Variants in PDCL2 observed in about 807,000 individuals in gnomAD.
The protein encoded by PDCL2 is phosducin like 2.
PDCL2 carries 23 observed loss-of-function variants against 30.3 expected under a neutral mutation model. That is an observed-to-expected ratio of 0.76 (90% confidence interval 0.55 to 1.08). The LOEUF (loss-of-function observed/expected upper bound fraction) is 1.08, where lower values mean the gene tolerates loss of function less well. Ranked by LOEUF, PDCL2 falls within the 50% of genes least tolerant of loss-of-function variation. PDCL2 has a pLI of 0.00. For missense variants in PDCL2, 243 were observed against 282.3 expected (o/e 0.86, Z 1.00); for synonymous variants, 68 against 86.2 (o/e 0.79, Z 1.17).
rs1206735129 is a variant in PDCL2, at chr4:55,571,584, G to A, written c.219-1723C>T. On this transcript the variant is annotated intron_variant, in intron 3 of 5. Transcript: ENST00000295645. Reference sequence around the variant, plus strand: ...CGCCTGTGGTCCCAGCTACTCGGGAGGCTGAGGCAGGAGAATCACTTGAAC... The same window carrying A: ...CGCCTGTGGTCCCAGCTACTCGGGAAGCTGAGGCAGGAGAATCACTTGAAC... 6.3e-5 allele frequency among the ~76,000 whole-genome samples: 4 copies of A among 63,860 alleles called. 1 individual carries two copies. Among genetic ancestry groups the A allele is most frequent in the Non-Finnish European group, 1.2e-4 (4 of 33,922 alleles). 41.9% of individuals were successfully genotyped at this position (63,860 alleles called of 152,430 possible). A position where few individuals can be genotyped will look rare whatever the true frequency, so the allele number is the denominator to read the frequency against.
chr4:55,586,590 G>A (rs957184317), intron 1 of PDCL2, among the ~76,000 whole-genome samples: 1 of 152,066 alleles, frequency 6.6e-6, no homozygotes, highest in African/African-American at 2.4e-5. Flanking sequence ...ATGGACATTT[G>A]GGTAGTTTTC....
intron 4 of PDCL2, among the ~76,000 whole-genome samples, chr4:55,567,041 T>C (rs1560500176): frequency 6.6e-6 from 1 of 152,240 alleles, no homozygotes; most frequent in Non-Finnish European, 1.5e-5. Context: ...CACTTCAGTA[T>C]ATAATATTTA....
intron 1 of PDCL2, among the ~76,000 whole-genome samples, chr4:55,589,835 C>T (rs1448651526): frequency 6.6e-6 from 1 of 151,958 alleles, no homozygotes; most frequent in African/African-American, 2.4e-5. Flanking sequence ...TTCGCTGAAA[C>T]AAAAGAAGAA....
At chr4:55,580,075 G>A (rs191310969) in intron 3 of PDCL2, among the ~76,000 whole-genome samples, 30 of 151,426 alleles carry the variant, frequency 2.0e-4, no homozygotes, top group African/African-American at 6.5e-4. Context: ...TCAAACTCCC[G>A]ACCTCAGGTG....
chr4:55,582,004 G>A, intron 2 of PDCL2, 113 bp downstream of exon 2: 1 of 1,424,564 alleles, frequency 7.0e-7, no homozygotes, highest in Non-Finnish European at 9.5e-7. Context: ...ACCATGCCCA[G>A]CCTATACTAA....
At chr4:55,581,921 A>C (rs933638200) in intron 2 of PDCL2, among the ~76,000 whole-genome samples, 196 bp downstream of exon 2, 1 of 152,052 alleles carries the variant, frequency 6.6e-6, no homozygotes, top group Admixed American at 6.6e-5. Flanking sequence ...GTTAGCCAGG[A>C]TGGTCTCGAT....
At chr4:55,582,048 AT>A in intron 2 of PDCL2, 68 bp downstream of exon 2, 2 of 1,574,376 alleles carry the variant, frequency 1.3e-6, no homozygotes, top group Non-Finnish European at 1.7e-6. Context: ...CACTATGTTC[AT>A]GAAATACCTT....
At chr4:55,560,528 T>C (rs1409016985) in intron 5 of PDCL2, among the ~76,000 whole-genome samples, 2 of 152,090 alleles carry the variant, frequency 1.3e-5, no homozygotes, top group Admixed American at 6.6e-5. Context: ...AGTGGGAGGA[T>C]TACTTGAGCC....
At chr4:55,575,232 G>C (rs978866100) in intron 3 of PDCL2, among the ~76,000 whole-genome samples, 1 of 152,094 alleles carries the variant, frequency 6.6e-6, no homozygotes, top group Non-Finnish European at 1.5e-5. Context: ...GAAGTGGTAT[G>C]AGTAAAACAT....
intron 1 of PDCL2, among the ~76,000 whole-genome samples, chr4:55,590,918 CA>C (rs1184484359): frequency 5.3e-5 from 8 of 152,182 alleles, no homozygotes; most frequent in African/African-American, 1.9e-4. Context: ...GCTCTTAGAA[CA>C]GGTCCGTATC....
chr4:55,579,937 C>T lies in PDCL2; in HGVS notation c.218+884G>A, dbSNP rs548628558. ...TCTTGGCTCACCACAACCTCTGCCC[C>T]ACCGGGTTCAAGCGATTCTCCTGCC... On this transcript the variant is annotated intron_variant, in intron 3 of 5. Coordinates refer to ENST00000295645, the MANE Select transcript of PDCL2 (RefSeq NM_152401.3). Among the ~76,000 whole-genome samples, 4 of 152,086 alleles carry T rather than the reference C, an allele frequency of 2.6e-5. No homozygotes were observed. In the East Asian group the frequency reaches 7.8e-4, roughly 29 times the overall value.
intron 1 of PDCL2, among the ~76,000 whole-genome samples, chr4:55,587,535 T>G (rs929658532): frequency 6.6e-6 from 1 of 152,058 alleles, no homozygotes; most frequent in African/African-American, 2.4e-5. Context: ...TTCTGTGGGT[T>G]GTCTTTTTTC....
intron 5 of PDCL2, among the ~76,000 whole-genome samples, chr4:55,560,713 G>C (rs1732109838): frequency 6.6e-6 from 1 of 152,120 alleles, no homozygotes; most frequent in African/African-American, 2.4e-5. Flanking sequence ...AAATTCATAT[G>C]TTGAAATCCT....
chr4:55,558,125 CAA>C (rs34621105), intron 5 of PDCL2, among the ~76,000 whole-genome samples: 81 of 122,022 alleles, frequency 6.6e-4, no homozygotes, highest in Admixed American at 1.2e-3. Context: ...GACTCCGTCT[CAA>C]AAAAAAAAAA....
At position 55,562,313 on chromosome 4, in the gene PDCL2, C is replaced by A. The variant is rs1273860841; in HGVS notation, c.571+91G>T. 6 of 821,376 alleles carry A rather than the reference C, an allele frequency of 7.3e-6. No individual in the cohort carries two copies. The East Asian group carries it at 1.8e-4, about 25-fold the overall frequency. The allele number at this position is 821,376 out of a possible 1,614,324, so 50.9% of individuals were successfully genotyped here. On this transcript the variant is annotated intron_variant, in intron 5 of 5. Transcript: ENST00000295645. ...AAAGAGACTAGAAGCAAGGAAAAAA[C>A]CTTGGTACTAAGGAAGTAAGCTTTC...
Position 55,568,210 on chromosome 4 carries a change from G to T in PDCL2, c.362+1508C>A, listed in dbSNP as rs1432974032. Among the ~76,000 whole-genome samples, 3 of 152,304 alleles carry T rather than the reference G, an allele frequency of 2.0e-5. No homozygotes were observed. In the East Asian group the frequency reaches 5.8e-4, roughly 29 times the overall value. On this transcript the variant is annotated intron_variant, in intron 4 of 5. Transcript: ENST00000295645. Reference sequence around the variant, plus strand: ...GTTGCTGTCATGGCCTCTGTTCCTAGAATGGTTTATAGCCCTGAGGCAGAG... The same window carrying T: ...GTTGCTGTCATGGCCTCTGTTCCTATAATGGTTTATAGCCCTGAGGCAGAG...
chr4:55,579,663 G>C (rs1284533457), intron 3 of PDCL2, among the ~76,000 whole-genome samples: 1 of 152,134 alleles, frequency 6.6e-6, no homozygotes, highest in Non-Finnish European at 1.5e-5. Flanking sequence ...CTGGAGTATG[G>C]CTGTTGTAAC....
rs559287413 is a variant in PDCL2, at chr4:55,587,465, G to C, written c.6+4639C>G. Reference sequence around the variant, plus strand: ...TCTTTTTGTTGTTGAGTTTTAGGAAGTCTTTATATCTTCTGGATATTATCC... The same window carrying C: ...TCTTTTTGTTGTTGAGTTTTAGGAACTCTTTATATCTTCTGGATATTATCC... On this transcript the variant is annotated intron_variant, in intron 1 of 5. Transcript: ENST00000295645. 3.3e-5 allele frequency among the ~76,000 whole-genome samples: 5 copies of C among 151,940 alleles called. No individual in the cohort carries two copies. The South Asian group carries it at 1.0e-3, about 32-fold the overall frequency.
chr4:55,572,154 G>C (rs9992424), intron 3 of PDCL2, among the ~76,000 whole-genome samples: 8 of 152,122 alleles, frequency 5.3e-5, no homozygotes, highest in African/African-American at 1.9e-4. Context: ...TTTGCCATTA[G>C]AAGTTCAAAC....
Sources: gnomAD v4.1 joint callset for allele counts (sites outside exome capture counted in the v4.1 genomes callset) on GRCh38, gnomAD v4.1.1 for gene constraint, MANE v1.5 for transcripts, NCBI Gene and HGNC (gene_info 2026-07-23, HGNC 2026-07-21) for gene names.